Variants in TGFB1I1 observed in about 807,000 individuals in gnomAD.
TGFB1I1 encodes the protein transforming growth factor beta-1-induced transcript 1 protein.
TGFB1I1 carries 33 observed loss-of-function variants against 52.0 expected under a neutral mutation model. The observed-to-expected ratio is 0.63, with a 90% CI of 0.48 to 0.85. TGFB1I1 has a LOEUF of 0.85. Among genes scored for constraint, TGFB1I1 ranks in the 40% least tolerant of loss-of-function variants. TGFB1I1 has a pLI of 0.00. For missense variants in TGFB1I1, 577 were observed against 614.9 expected, an observed-to-expected ratio of 0.94 and a Z score of 0.65; for synonymous variants, 236 against 253.3, an observed-to-expected ratio of 0.93 and a Z score of 0.65.
intron 1 of TGFB1I1, chr16:31,473,202 T>C (rs1007131591): frequency 3.0e-6 from 4 of 1,328,040 alleles, no homozygotes; most frequent in African/African-American, 1.5e-5. Context: ...TCAGAGAAGA[T>C]GGGGAGAATA....
Position 31,477,662 on chromosome 16 carries a change from A to G in TGFB1I1, c.*86A>G. 1 of 1,458,458 alleles carries G rather than the reference A, an allele frequency of 6.9e-7. No individual in the cohort carries two copies. Among genetic ancestry groups the G allele is most frequent in the Non-Finnish European group, 9.0e-7 (1 of 1,106,646 alleles). 90.3% of individuals were successfully genotyped at this position (1,458,458 alleles called of 1,614,324 possible). Reference sequence around the variant, plus strand: ...CCAGACCCCGAGGCCTTGCTCTCAGAGCGGGAGGCCCCACCCACTGGAGAG... The same window carrying G: ...CCAGACCCCGAGGCCTTGCTCTCAGGGCGGGAGGCCCCACCCACTGGAGAG... On this transcript the variant is annotated 3_prime_UTR_variant, in exon 11 of 11. Coordinates refer to ENST00000394863, the MANE Select transcript of TGFB1I1 (RefSeq NM_001042454.3). This position sits in a 1 kb window ranked among gnomAD's most constrained non-coding sequence, Gnocchi z 4.7.
At chr16:31,475,583 C>G (rs2082418389) in intron 7 of TGFB1I1, 1 of 156,414 alleles carries the variant, frequency 6.4e-6, no homozygotes, top group Non-Finnish European at 1.4e-5. Context: ...CCCGCCACCT[C>G]GCCCAGCTAA....
At chr16:31,475,330 T>C (rs1372134199) in intron 7 of TGFB1I1, 1 of 154,588 alleles carries the variant, frequency 6.5e-6, no homozygotes, top group Non-Finnish European at 1.4e-5. Flanking sequence ...TATGTCTGTG[T>C]TGGTGTAAAG....
At chr16:31,475,060 C>T in intron 7 of TGFB1I1, 1 of 382,278 alleles carries the variant, frequency 2.6e-6, no homozygotes, top group Non-Finnish European at 4.8e-6. Flanking sequence ...CACCCAATAT[C>T]TCTCAGGCAT....
rs1447776388 is a variant in TGFB1I1 at position 31,474,482 on chromosome 16, A to C, written c.519+27A>C. 6.2e-7 allele frequency: 1 copy of C among 1,613,986 alleles called. No individual in the cohort carries two copies. Among genetic ancestry groups the C allele is most frequent in the Non-Finnish European group, 8.5e-7 (1 of 1,179,976 alleles). ...TGAGTTGGGCAGTGGGCCAGTGTCCATTTGTGGCTCCCCAACCCCTTCTAG... is the reference window on the plus strand; with the variant it reads ...TGAGTTGGGCAGTGGGCCAGTGTCCCTTTGTGGCTCCCCAACCCCTTCTAG... On this transcript the variant is annotated intron_variant, in intron 6 of 10. Coordinates refer to ENST00000394863, the MANE Select transcript of TGFB1I1 (RefSeq NM_001042454.3). The surrounding 1 kb of genome is among the most constrained non-coding windows in gnomAD (Gnocchi z 4.2).
In TGFB1I1 at chr16:31,476,436, G is replaced by A; in HGVS notation, c.889-45G>A. The A allele has an allele frequency of 2.5e-6, 4 of 1,575,732 alleles. No individual in the cohort carries two copies. The highest frequency in any genetic ancestry group is 1.8e-4 in the Middle Eastern group (1 of 5,540). Reference sequence around the variant, plus strand: ...CGGGTTCCGCGCGGGAGAGGAAGGCGCGAAGGCACGGAGGCCGCGCTGAGT... The same window carrying A: ...CGGGTTCCGCGCGGGAGAGGAAGGCACGAAGGCACGGAGGCCGCGCTGAGT... On this transcript the variant is annotated intron_variant, in intron 8 of 10. Transcript: ENST00000394863. The surrounding 1 kb of genome is among the most constrained non-coding windows in gnomAD (Gnocchi z 7.6).
At chr16:31,475,942 G>C (rs1448955962) in intron 7 of TGFB1I1, 70 bp from the exon 8 acceptor site, 31 of 1,514,038 alleles carry the variant, frequency 2.0e-5, no homozygotes, top group Non-Finnish European at 1.9e-5. Flanking sequence ...GAAAAACGCC[G>C]CGTAAATCTT....
At chr16:31,472,451 T>G (rs1596610862) in intron 1 of TGFB1I1, 73 of 550,036 alleles carry the variant, frequency 1.3e-4, no homozygotes, top group East Asian at 3.1e-4. Context: ...GAACGGGAGG[T>G]GCGGCGCCCG....
Position 31,477,398 on chromosome 16 carries a change from C to T in TGFB1I1, c.1208C>T (p.Ser403Leu). 1 of 1,609,934 alleles carries T rather than the reference C, an allele frequency of 6.2e-7. No individual in the cohort carries two copies. The highest frequency in any genetic ancestry group is 8.5e-7 in the Non-Finnish European group (1 of 1,178,664). ...CENHFHARRG[S>L]LCATCGLPVT... ...AACCACTTCCACGCACGACGCGGCT[C>T]GCTGTGCGCCACGTGTGGCCTCCCT... Residue 403 changes from serine to leucine, a missense_variant, in exon 11 of 11, where the codon TCG (serine) becomes TTG (leucine). This residue lies in a region of TGFB1I1 where 456 missense variants were observed against 461.6 expected (regional missense o/e 0.99). Coordinates refer to ENST00000394863, the MANE Select transcript of TGFB1I1 (RefSeq NM_001042454.3). This position sits in a 1 kb window ranked among gnomAD's most constrained non-coding sequence, Gnocchi z 4.7.
Position 31,476,033 on chromosome 16 carries a change from G to T in TGFB1I1, c.736G>T (p.Ala246Ser), listed in dbSNP as rs767229521. ...GCAGGTGGTGACGGCTCTGGGCCGC[G>T]CCTGGCACCCCGAGCACTTCGTTTG... The part of the protein sequence containing the change: ...AGQVVTALGR[A>S]WHPEHFVCGG... Residue 246 changes from alanine (A) to serine (S), a missense_variant, in exon 8 of 11, where the codon GCC becomes TCC. Around this residue, in one of 3 missense-constraint regions of TGFB1I1, gnomAD observed 456 missense variants for 461.6 expected, o/e 0.99. Transcript: ENST00000394863. This position sits in a 1 kb window ranked among gnomAD's most constrained non-coding sequence, Gnocchi z 7.6. The T allele has an allele frequency of 3.1e-6, 5 of 1,612,830 alleles. No individual in the cohort carries two copies. Among genetic ancestry groups the T allele is most frequent in the Non-Finnish European group, 4.2e-6 (5 of 1,179,928 alleles).
chr16:31,476,287 C>T lies in TGFB1I1; in HGVS notation c.888+102C>T. 6.9e-7 allele frequency: 1 copy of T among 1,445,740 alleles called. No individual in the cohort carries two copies. The highest frequency in any genetic ancestry group is 9.3e-7 in the Non-Finnish European group (1 of 1,071,566). 89.6% of individuals were successfully genotyped at this position (1,445,740 alleles called of 1,614,324 possible). ...CCCGCCCCACCCGCGATACCCCACT[C>T]CACCCCTACCCCTTCCCCTTGGCAA... On this transcript the variant is annotated intron_variant, in intron 8 of 10. Transcript: ENST00000394863. This position sits in a 1 kb window ranked among gnomAD's most constrained non-coding sequence, Gnocchi z 7.6.
rs558788092 is a variant in TGFB1I1 at position 31,473,917 on chromosome 16, G to A, written c.265G>A (p.Gly89Arg). The change falls in exon 4 of 11, where the codon GGG becomes AGG. Residue 89 changes from glycine to arginine, a missense_variant. Gly to Arg is a moderately radical substitution (Grantham distance 125, BLOSUM62 -2). Transcript: ENST00000394863. ...FSSSSGVLGTGLCELDRLLQE... is the reference protein window; with the variant it reads ...FSSSSGVLGTRLCELDRLLQE... ...CTCTTCCAGCGGTGTCTTGGGTACC[G>A]GGCTCTGTGAGCTAGATCGGTTGCT... 11 of 1,614,092 alleles carry A rather than the reference G, an allele frequency of 6.8e-6. No homozygotes were observed. The highest frequency in any genetic ancestry group is 1.7e-5 in the Admixed American group (1 of 60,006).
chr16:31,473,238 C>G, intron 1 of TGFB1I1: 1 of 1,381,036 alleles, frequency 7.2e-7, no homozygotes, highest in Non-Finnish European at 9.4e-7. Flanking sequence ...TGGGTTTGTG[C>G]TTGGCTCCAA....
chr16:31,474,987 C>A lies in TGFB1I1; in HGVS notation c.714+230C>A. ...TATTGTGGTCCTACTGTGTGCCAGG[C>A]ACTGTGCCAGCTCCTTTACAAACCC... On this transcript the variant is annotated intron_variant, in intron 7 of 10. Coordinates refer to ENST00000394863, the MANE Select transcript of TGFB1I1 (RefSeq NM_001042454.3). The surrounding 1 kb of genome is among the most constrained non-coding windows in gnomAD (Gnocchi z 4.2). 1 of 554,540 alleles carries A rather than the reference C, an allele frequency of 1.8e-6. No individual in the cohort carries two copies. Among genetic ancestry groups the A allele is most frequent in the Non-Finnish European group, 3.2e-6 (1 of 311,326 alleles). 34.4% of individuals were successfully genotyped at this position (554,540 alleles called of 1,614,324 possible). A position where few individuals can be genotyped will look rare whatever the true frequency, so the allele number is the denominator to read the frequency against.
chr16:31,477,225 C>G lies in TGFB1I1; in HGVS notation c.1120-85C>G, dbSNP rs2082431538. 3.3e-6 allele frequency: 5 copies of G among 1,524,554 alleles called. No individual in the cohort carries two copies. Among genetic ancestry groups the G allele is most frequent in the Non-Finnish European group, 4.4e-6 (5 of 1,130,738 alleles). The allele number at this position is 1,524,554 out of a possible 1,614,324, so 94.4% of individuals were successfully genotyped here. On this transcript the variant is annotated intron_variant, in intron 10 of 10. Transcript: ENST00000394863. The surrounding 1 kb of genome is among the most constrained non-coding windows in gnomAD (Gnocchi z 4.7). ...TCGCGTCTAGGGCGGGCTGCGGGGT[C>G]CCAGGGCGTTATCCGCTAGTAACGC...
chr16:31,473,088 A>G, intron 1 of TGFB1I1: 1 of 577,248 alleles, frequency 1.7e-6, no homozygotes, highest in Non-Finnish European at 2.3e-6. Context: ...CCAGCATGGA[A>G]GAGAGAGCGT....
Position 31,476,091 on chromosome 16 carries a change from GCTT to G in TGFB1I1, c.799_801del (p.Phe267del), listed in dbSNP as rs1431190418. 1.2e-6 allele frequency: 2 copies of G among 1,613,904 alleles called. No individual in the cohort carries two copies. The highest frequency in any genetic ancestry group is 2.2e-5 in the South Asian group (2 of 91,086). On this transcript the variant is annotated inframe_deletion, in exon 8 of 11. Coordinates refer to ENST00000394863, the MANE Select transcript of TGFB1I1 (RefSeq NM_001042454.3). The surrounding 1 kb of genome is among the most constrained non-coding windows in gnomAD (Gnocchi z 7.6). The stretch of plus-strand genomic sequence containing the variant: ...TGTTCCACCGCCCTGGGAGGCAGCA[GCTT>G]CTTCGAGAAGGATGGAGCCCCCTTC...
chr16:31,477,299 C>A lies in TGFB1I1; in HGVS notation c.1120-11C>A. 1.3e-6 allele frequency: 2 copies of A among 1,596,262 alleles called. No individual in the cohort carries two copies. Among genetic ancestry groups the A allele is most frequent in the Non-Finnish European group, 1.7e-6 (2 of 1,168,948 alleles). On this transcript the variant is annotated splice_polypyrimidine_tract_variant and intron_variant, in intron 10 of 10. Transcript: ENST00000394863. The surrounding 1 kb of genome is among the most constrained non-coding windows in gnomAD (Gnocchi z 4.7). ...ACCTGTCTGTCCTCTTTCGCGGCTT[C>A]CCTTCCCCAGGAATGCTTCGCGCCC...
In TGFB1I1 at chr16:31,476,717, C is replaced by A; in HGVS notation, c.971-145C>A. 1 of 1,470,868 alleles carries A rather than the reference C, an allele frequency of 6.8e-7. No individual in the cohort carries two copies. Among genetic ancestry groups the A allele is most frequent in the South Asian group, 1.3e-5 (1 of 78,050 alleles). The allele number at this position is 1,470,868 out of a possible 1,614,324, so 91.1% of individuals were successfully genotyped here. A position where few individuals can be genotyped will look rare whatever the true frequency, so the allele number is the denominator to read the frequency against. On this transcript the variant is annotated intron_variant, in intron 9 of 10. Transcript: ENST00000394863. The surrounding 1 kb of genome is among the most constrained non-coding windows in gnomAD (Gnocchi z 7.6). ...ACACAGACTCCGGACCCGAGCCCTC[C>A]CCGCTCTGTCCCGCCATAGACCCGG...
Sources: gnomAD v4.1 joint callset for allele counts on GRCh38, gnomAD v4.1.1 for gene constraint, gnomAD v4.1.1 regional missense constraint, Gnocchi (gnomAD v3.1) non-coding constraint, MANE v1.5 for transcripts, NCBI Gene and HGNC (gene_info 2026-07-23, HGNC 2026-07-21) for gene names.